Variants in IL1RAPL2 observed in about 807,000 individuals in gnomAD.
IL1RAPL2 encodes the protein interleukin 1 receptor accessory protein like 2.
IL1RAPL2 carries 3 observed loss-of-function variants against 44.1 expected under a neutral mutation model. That is an observed-to-expected ratio of 0.07 (90% confidence interval 0.03 to 0.18). IL1RAPL2 has a LOEUF of 0.18. Among genes scored for constraint, IL1RAPL2 ranks in the 10% least tolerant of loss-of-function variants. The probability of loss-of-function intolerance (pLI) is 1.00; values close to 1 mark genes in which losing one functional copy is unlikely to be tolerated. For synonymous variants in IL1RAPL2, 181 were observed against 178.8 expected (o/e 1.01, Z -0.10); for missense variants, 391 against 496.4 (o/e 0.79, Z 2.02).
chrX:104,991,145 T>G (rs752219565), intron 2 of IL1RAPL2, among the ~76,000 whole-genome samples: 9 of 111,631 alleles, frequency 8.1e-5, no homozygotes, highest in Non-Finnish European at 1.5e-4. Context: ...TGTCTCTCCC[T>G]AAGACTTTGA....
chrX:105,613,343 T>C (rs1212687714), intron 6 of IL1RAPL2, among the ~76,000 whole-genome samples: 1 of 112,380 alleles, frequency 8.9e-6, no homozygotes, highest in Non-Finnish European at 1.9e-5. Context: ...TAGTATGCCA[T>C]GGGCCTTCAG....
At chrX:104,675,023 A>G (rs1282819489) in intron 2 of IL1RAPL2, among the ~76,000 whole-genome samples, 2 of 110,278 alleles carry the variant, frequency 1.8e-5, no homozygotes, top group South Asian at 3.9e-4. Context: ...CGGTCTATCA[A>G]TTTTGTTGAT....
chrX:104,892,447 CTAT>C (rs1190203007), intron 2 of IL1RAPL2, among the ~76,000 whole-genome samples: 3 of 110,624 alleles, frequency 2.7e-5, no homozygotes. Flanking sequence ...GGTTGGTAGT[CTAT>C]TATTACCTCA....
At chrX:105,053,989 G>T (rs754096360) in intron 2 of IL1RAPL2, among the ~76,000 whole-genome samples, 7 of 111,146 alleles carry the variant, frequency 6.3e-5, no homozygotes, top group African/African-American at 2.3e-4. Flanking sequence ...AGCAGAGTGA[G>T]ACTCTGTCTC....
chrX:105,238,194 T>G (rs2034138544), intron 4 of IL1RAPL2, among the ~76,000 whole-genome samples: 1 of 112,452 alleles, frequency 8.9e-6, no homozygotes, highest in Admixed American at 9.4e-5. Context: ...CCACATTTGA[T>G]TGGTCAAAAC....
intron 6 of IL1RAPL2, among the ~76,000 whole-genome samples, chrX:105,581,706 T>A (rs751832855): frequency 3.5e-4 from 39 of 111,392 alleles, no homozygotes; most frequent in Non-Finnish European, 6.6e-4. Context: ...ATTATGATAA[T>A]AATGAGAGTA....
intron 2 of IL1RAPL2, among the ~76,000 whole-genome samples, chrX:104,768,486 A>G (rs758728426): frequency 4.1e-4 from 46 of 111,667 alleles, no homozygotes; most frequent in Non-Finnish European, 7.5e-4. Context: ...GACCCAAACT[A>G]TTCTTTCAGC....
At chrX:105,598,060 G>A (rs959310201) in intron 6 of IL1RAPL2, among the ~76,000 whole-genome samples, 17 of 110,960 alleles carry the variant, frequency 1.5e-4, no homozygotes, top group Non-Finnish European at 9.4e-5. Flanking sequence ...CAAACTAAAT[G>A]TCCATTGGCA....
intron 2 of IL1RAPL2, among the ~76,000 whole-genome samples, chrX:105,023,646 T>C (rs2053820777): frequency 9.0e-6 from 1 of 111,357 alleles, no homozygotes; most frequent in Admixed American, 9.6e-5. Flanking sequence ...ATTTTTGTTA[T>C]ATTTGGATTC....
intron 5 of IL1RAPL2, among the ~76,000 whole-genome samples, chrX:105,450,357 G>C (rs2036010921): frequency 9.0e-6 from 1 of 111,538 alleles, no homozygotes; most frequent in African/African-American, 3.3e-5. Flanking sequence ...CTGATTTTTG[G>C]TTCTTGTGAC....
intron 2 of IL1RAPL2, among the ~76,000 whole-genome samples, chrX:105,031,991 G>A (rs145288206): frequency 1.8e-5 from 2 of 110,823 alleles, no homozygotes; most frequent in African/African-American, 6.6e-5. Flanking sequence ...CCATTTCTTC[G>A]AGATTTTCTA....
At chrX:105,552,768 TAC>T (rs1256318513) in intron 6 of IL1RAPL2, among the ~76,000 whole-genome samples, 2 of 112,142 alleles carry the variant, frequency 1.8e-5, no homozygotes, top group South Asian at 3.7e-4. Context: ...CTACCACAGA[TAC>T]AGTTACTTTA....
intron 2 of IL1RAPL2, among the ~76,000 whole-genome samples, chrX:105,104,668 T>G (rs2032715317): frequency 8.9e-6 from 1 of 111,965 alleles, no homozygotes; most frequent in Admixed American, 9.5e-5. Context: ...TAACAAACAT[T>G]TATTGATTAG....
chrX:104,602,797 G>A (rs1333594304), intron 1 of IL1RAPL2, among the ~76,000 whole-genome samples: 3 of 111,398 alleles, frequency 2.7e-5, no homozygotes, highest in Admixed American at 9.5e-5. Context: ...CTCTGGGCAG[G>A]CATCTCTGAA....
rs1346010645 is a variant in IL1RAPL2 at position 104,983,416 on chromosome X, A to G, written c.83-212059A>G. Among the ~76,000 whole-genome samples, 8 of 78,909 alleles carry G rather than the reference A, an allele frequency of 1.0e-4. No individual in the cohort carries two copies. In the East Asian group the frequency reaches 2.1e-3, roughly 21 times the overall value. The allele number at this position is 78,909 out of a possible 115,157, so 68.5% of individuals were successfully genotyped here. A position where few individuals can be genotyped will look rare whatever the true frequency, so the allele number is the denominator to read the frequency against. On this transcript the variant is annotated intron_variant, in intron 2 of 10. Transcript: ENST00000372582. ...TATATAATATTAGATACATAATATA[A>G]TATTAGATACATAATATATAATAGA...
rs190730215 is a variant in IL1RAPL2 at position 104,951,800 on chromosome X, A to G, written c.83-243675A>G. 7.5e-3 allele frequency among the ~76,000 whole-genome samples: 840 copies of G among 112,561 alleles called. 1 individual carries two copies. Among genetic ancestry groups the G allele is most frequent in the Non-Finnish European group, 0.013 (679 of 53,309 alleles). ...TTTGCAAGGATGTAGTAAGGATTCAATAGGAAAGTGCATGTGCCTGGCTAT... is the reference window on the plus strand; with the variant it reads ...TTTGCAAGGATGTAGTAAGGATTCAGTAGGAAAGTGCATGTGCCTGGCTAT... On this transcript the variant is annotated intron_variant, in intron 2 of 10. Transcript: ENST00000372582.
intron 2 of IL1RAPL2, among the ~76,000 whole-genome samples, chrX:105,177,091 C>T (rs2147603179): frequency 9.0e-6 from 1 of 110,762 alleles, no homozygotes; most frequent in East Asian, 2.9e-4. Flanking sequence ...AGGAACCAGG[C>T]CACACAGCAG....
chrX:105,604,943 T>TA (rs755244175), intron 6 of IL1RAPL2, among the ~76,000 whole-genome samples: 1,117 of 108,579 alleles, frequency 0.01, 11 homozygotes, highest in African/African-American at 0.032. Context: ...GTCTTCATGA[T>TA]AAAAAAAAAC....
chrX:105,349,448 TTCTC>T (rs1419480516), intron 5 of IL1RAPL2, among the ~76,000 whole-genome samples: 2 of 111,702 alleles, frequency 1.8e-5, no homozygotes, highest in African/African-American at 3.3e-5. Context: ...GTGTACATGT[TTCTC>T]TCTAATAGTT....
Sources: allele counts gnomAD v4.1 joint callset (sites outside exome capture counted in the v4.1 genomes callset), GRCh38; gene constraint gnomAD v4.1.1; transcripts MANE v1.5; gene names NCBI Gene and HGNC (gene_info 2026-07-23, HGNC 2026-07-21).